Variants in SYT1 observed in about 807,000 individuals in gnomAD.
SYT1 encodes the protein synaptotagmin-1.
SYT1 carries 8 observed loss-of-function variants against 44.8 expected under a neutral mutation model. That is an observed-to-expected ratio of 0.18 (90% CI 0.10 to 0.32). The LOEUF is 0.32. SYT1 is among the 10% of genes least tolerant of loss of function. The pLI, the probability that SYT1 is intolerant of heterozygous loss-of-function variation, is 1.00. For synonymous variants in SYT1, 154 were observed against 188.8 expected (o/e 0.82, Z 1.51); for missense variants, 286 against 509.3 (o/e 0.56, Z 4.22).
intron 3 of SYT1, among the ~76,000 whole-genome samples, chr12:79,074,594 T>C (rs543828556): frequency 1.3e-5 from 2 of 152,232 alleles, no homozygotes; most frequent in Non-Finnish European, 2.9e-5. Context: ...TGTCAGAATA[T>C]GAATCATCCT....
At chr12:79,085,445 G>T (rs1179421096) in intron 3 of SYT1, among the ~76,000 whole-genome samples, 1 of 152,060 alleles carries the variant, frequency 6.6e-6, no homozygotes, top group Non-Finnish European at 1.5e-5. Flanking sequence ...AGTCATCCAG[G>T]AAGTTTATAT....
At chr12:79,172,146 A>G (rs1008330410) in intron 3 of SYT1, among the ~76,000 whole-genome samples, 10 of 152,010 alleles carry the variant, frequency 6.6e-5, no homozygotes, top group African/African-American at 9.7e-5. Flanking sequence ...TAAGTTCACA[A>G]TAATAATTGC....
chr12:79,006,934 T>C (rs1871130608), intron 2 of SYT1, among the ~76,000 whole-genome samples: 1 of 152,150 alleles, frequency 6.6e-6, no homozygotes, highest in Non-Finnish European at 1.5e-5. Flanking sequence ...ATTTCTTGCT[T>C]TGTAAATTTT....
intron 4 of SYT1, among the ~76,000 whole-genome samples, chr12:79,222,573 G>A (rs944477459): frequency 6.6e-6 from 1 of 152,008 alleles, no homozygotes; most frequent in Non-Finnish European, 1.5e-5. Context: ...AGTAGAGACA[G>A]GGTTTCACCA....
At chr12:79,114,702 G>A (rs2138104743) in intron 3 of SYT1, among the ~76,000 whole-genome samples, 1 of 152,226 alleles carries the variant, frequency 6.6e-6, no homozygotes, top group East Asian at 1.9e-4. Flanking sequence ...TACAATATAT[G>A]TTAGAATACT....
chr12:79,263,828 A>G (rs957798963), intron 4 of SYT1, among the ~76,000 whole-genome samples: 6 of 152,212 alleles, frequency 3.9e-5, no homozygotes, highest in African/African-American at 1.2e-4. Flanking sequence ...CAAAACCACC[A>G]AAAGAAAACA....
At chr12:78,992,636 G>A (rs1260408133) in intron 2 of SYT1, among the ~76,000 whole-genome samples, 1 of 152,104 alleles carries the variant, frequency 6.6e-6, no homozygotes, top group Non-Finnish European at 1.5e-5. Context: ...TACAGAATTG[G>A]ACCATCTAGT....
At chr12:79,074,489 C>T (rs1380146612) in intron 3 of SYT1, among the ~76,000 whole-genome samples, 3 of 152,136 alleles carry the variant, frequency 2.0e-5, no homozygotes, top group Non-Finnish European at 4.4e-5. Flanking sequence ...CCACCTTTAT[C>T]CTCTCATTAA....
intron 2 of SYT1, among the ~76,000 whole-genome samples, chr12:79,032,543 G>T (rs1360759639): frequency 1.3e-5 from 2 of 151,166 alleles, no homozygotes; most frequent in African/African-American, 2.4e-5. Flanking sequence ...AGCTAGAAGG[G>T]CTGAGCTTCC....
At chr12:78,970,402 A>C (rs973820824) in intron 1 of SYT1, among the ~76,000 whole-genome samples, 2 of 152,306 alleles carry the variant, frequency 1.3e-5, no homozygotes, top group African/African-American at 4.8e-5. Context: ...CAGTTGCCTA[A>C]ATTTTAAAAG....
chr12:78,928,158 A>T (rs576652556), intron 1 of SYT1, among the ~76,000 whole-genome samples: 1 of 152,254 alleles, frequency 6.6e-6, no homozygotes, highest in South Asian at 2.1e-4. Flanking sequence ...ACTATCATAG[A>T]AGCATTTGAC....
At chr12:79,389,994 G>A (rs751100386) in intron 9 of SYT1, among the ~76,000 whole-genome samples, 14 of 151,304 alleles carry the variant, frequency 9.3e-5, no homozygotes, top group South Asian at 4.2e-4. Context: ...GTGCAGCGGC[G>A]CGATCTTGGC....
chr12:79,136,814 A>G (rs193109996), intron 3 of SYT1, among the ~76,000 whole-genome samples: 4 of 152,334 alleles, frequency 2.6e-5, no homozygotes, highest in Non-Finnish European at 5.9e-5. Flanking sequence ...TTCATTAATT[A>G]TAATGGCAGT....
intron 1 of SYT1, among the ~76,000 whole-genome samples, chr12:78,935,161 T>C (rs890882397): frequency 2.0e-5 from 3 of 152,146 alleles, no homozygotes; most frequent in African/African-American, 7.2e-5. Context: ...TGGGCAACCA[T>C]AGGAAGCAAG....
chr12:78,988,851 C>T (rs986803395), intron 2 of SYT1, among the ~76,000 whole-genome samples: 1 of 151,950 alleles, frequency 6.6e-6, no homozygotes, highest in Non-Finnish European at 1.5e-5. Flanking sequence ...GTATAGAAGA[C>T]AATATTTAGA....
At chr12:79,432,377 C>T (rs1167903850) in intron 9 of SYT1, among the ~76,000 whole-genome samples, 1 of 151,592 alleles carries the variant, frequency 6.6e-6, no homozygotes, top group Non-Finnish European at 1.5e-5. Flanking sequence ...CCCAACCCCA[C>T]AAGAGGCCCC....
intron 3 of SYT1, among the ~76,000 whole-genome samples, chr12:79,191,685 C>A (rs1367055660): frequency 6.6e-6 from 1 of 152,028 alleles, no homozygotes; most frequent in Non-Finnish European, 1.5e-5. Flanking sequence ...TTCAAAAATG[C>A]ATGGTTAGTT....
intron 1 of SYT1, among the ~76,000 whole-genome samples, chr12:78,950,000 A>AC (rs1565732927): frequency 1.3e-5 from 2 of 151,984 alleles, no homozygotes; most frequent in Non-Finnish European, 2.9e-5. Flanking sequence ...ATATTTTAGC[A>AC]TTTTTCTGTT....
chr12:79,434,504 G>A (rs1035663981), intron 9 of SYT1, among the ~76,000 whole-genome samples: 1 of 152,192 alleles, frequency 6.6e-6, no homozygotes, highest in Non-Finnish European at 1.5e-5. Flanking sequence ...GAAATTGTTT[G>A]CTCTGTGAGC....
Sources: gnomAD v4.1 joint callset for allele counts (sites outside exome capture counted in the v4.1 genomes callset) on GRCh38, gnomAD v4.1.1 for gene constraint, MANE v1.5 for transcripts, NCBI Gene and HGNC (gene_info 2026-07-23, HGNC 2026-07-21) for gene names.